The following DLGAP2 variants were observed in gnomAD, a reference collection of about 807,000 sequenced individuals.
DLGAP2 encodes the protein DLG associated protein 2.
In DLGAP2, 26 loss-of-function variants were observed where a neutral mutation model predicts 100.3. The observed-to-expected ratio is 0.26, with a 90% confidence interval of 0.19 to 0.36. DLGAP2 has a LOEUF of 0.36. Ranked by LOEUF, DLGAP2 falls within the 10% of genes least tolerant of loss-of-function variation. The pLI, the probability that DLGAP2 is intolerant of heterozygous loss-of-function variation, is 1.00. For synonymous variants in DLGAP2, 886 were observed against 630.1 expected, an observed-to-expected ratio of 1.41 and a Z score of -6.08; for missense variants, 1,858 against 1,453.2, an observed-to-expected ratio of 1.28 and a Z score of -4.53.
chr8:783,368 T>G (rs1821753190), intron 1 of DLGAP2, among the ~76,000 whole-genome samples: 1 of 152,202 alleles, frequency 6.6e-6, no homozygotes, highest in East Asian at 1.9e-4. Context: ...GGTTCTGGTC[T>G]TTTGTTTTTA....
intron 3 of DLGAP2, among the ~76,000 whole-genome samples, chr8:1,319,625 T>C (rs1201572752): frequency 6.6e-6 from 1 of 152,056 alleles, no homozygotes; most frequent in African/African-American, 2.4e-5. Context: ...TGTGATGAGA[T>C]GAGAAAAGGG....
chr8:1,317,687 T>C (rs1800792490), intron 3 of DLGAP2, among the ~76,000 whole-genome samples: 1 of 131,270 alleles, frequency 7.6e-6, no homozygotes, highest in African/African-American at 3.1e-5. Flanking sequence ...GCAGCGTCTC[T>C]CCAACAGTGG....
chr8:1,092,533 C>G (rs751313318), intron 2 of DLGAP2, among the ~76,000 whole-genome samples: 1 of 152,190 alleles, frequency 6.6e-6, no homozygotes, highest in Non-Finnish European at 1.5e-5. Flanking sequence ...GGTCTCCTGG[C>G]AGGAAGAGGG....
intron 2 of DLGAP2, among the ~76,000 whole-genome samples, chr8:1,193,767 C>G (rs546949688): frequency 6.6e-6 from 1 of 152,066 alleles, no homozygotes; most frequent in East Asian, 2.0e-4. Flanking sequence ...AGATCCCAGT[C>G]TCGGCCTCTA....
chr8:1,113,506 T>C (rs1805024154), intron 2 of DLGAP2, among the ~76,000 whole-genome samples: 1 of 152,170 alleles, frequency 6.6e-6, no homozygotes, highest in African/African-American at 2.4e-5. Context: ...AGCTTGGCTG[T>C]TTTTGGTGTG....
chr8:1,336,010 A>G (rs959535443), intron 3 of DLGAP2, among the ~76,000 whole-genome samples: 19 of 152,148 alleles, frequency 1.2e-4, no homozygotes, highest in Non-Finnish European at 2.1e-4. Flanking sequence ...AGGGGGGAAA[A>G]CATCACAATA....
At chr8:933,116 GT>G (rs1798996049) in intron 2 of DLGAP2, among the ~76,000 whole-genome samples, 1 of 152,272 alleles carries the variant, frequency 6.6e-6, no homozygotes, top group Admixed American at 6.5e-5. Flanking sequence ...ACCCTGCACA[GT>G]GGCAGCTGCT....
rs997559515 is a variant in DLGAP2, at chr8:1,272,908, C to T, written c.106+14025C>T. On this transcript the variant is annotated intron_variant, in intron 3 of 14. Coordinates refer to ENST00000637795, the MANE Select transcript of DLGAP2 (RefSeq NM_001346810.2). ...TTTTCATCAGATTTTCATGGAGATT[C>T]ATGACCACGTAAAAGGTGAAAAGAG... is the stretch of plus-strand genomic sequence containing the variant. 3.9e-5 allele frequency among the ~76,000 whole-genome samples: 6 copies of T among 152,220 alleles called. No individual in the cohort carries two copies. In the East Asian group the frequency reaches 1.2e-3, roughly 29 times the overall value.
intron 3 of DLGAP2, among the ~76,000 whole-genome samples, chr8:1,275,589 G>T (rs1799666444): frequency 6.6e-6 from 1 of 150,628 alleles, no homozygotes; most frequent in Admixed American, 6.7e-5. Flanking sequence ...AAGACAAAAA[G>T]ATAATGCAAA....
chr8:835,557 C>T (rs538800640), intron 1 of DLGAP2, among the ~76,000 whole-genome samples: 1 of 151,728 alleles, frequency 6.6e-6, no homozygotes, highest in South Asian at 2.1e-4. Flanking sequence ...GTCCCCCGTG[C>T]TCCTGTGTCC....
chr8:1,340,459 C>G lies in DLGAP2; in HGVS notation c.106+81576C>G, dbSNP rs75313244. On this transcript the variant is annotated intron_variant, in intron 3 of 14. Coordinates refer to ENST00000637795, the MANE Select transcript of DLGAP2 (RefSeq NM_001346810.2). ...TTTCAAAAGAAGACATATGTGCAGCCAGCAGTCGTTTGAAGAAAAGCTCAA... is the reference window on the plus strand; with the variant it reads ...TTTCAAAAGAAGACATATGTGCAGCGAGCAGTCGTTTGAAGAAAAGCTCAA... Among the ~76,000 whole-genome samples the G allele has an allele frequency of 7.5e-4, 114 of 152,304 alleles. 2 individuals are homozygous for G. In the East Asian group the frequency reaches 0.016, roughly 21 times the overall value.
chr8:1,259,844 A>G (rs1000889889), intron 3 of DLGAP2: 1 of 152,206 alleles, frequency 6.6e-6, no homozygotes, highest in Non-Finnish European at 1.5e-5. Flanking sequence ...TCTATGAAAC[A>G]CTTAATTCCC....
intron 3 of DLGAP2, among the ~76,000 whole-genome samples, chr8:1,265,842 AG>A (rs1447311171): frequency 6.6e-6 from 1 of 152,250 alleles, no homozygotes; most frequent in Non-Finnish European, 1.5e-5. Context: ...AAAGGTGAAT[AG>A]AAGAGTAGAC....
At chr8:924,405 T>C (rs942674763) in intron 2 of DLGAP2, among the ~76,000 whole-genome samples, 4 of 151,102 alleles carry the variant, frequency 2.6e-5, no homozygotes, top group African/African-American at 9.7e-5. Context: ...TTGGGTGGGG[T>C]GGATGGGGAG....
intron 1 of DLGAP2, among the ~76,000 whole-genome samples, chr8:810,792 T>C (rs769259587): frequency 1.3e-5 from 2 of 152,222 alleles, no homozygotes; most frequent in Admixed American, 6.5e-5. Context: ...TGCCAACACA[T>C]GCCAGAGCTC....
intron 2 of DLGAP2, among the ~76,000 whole-genome samples, chr8:1,025,908 G>C (rs1243423920): frequency 1.4e-4 from 22 of 152,182 alleles, no homozygotes. Flanking sequence ...AGAGCACGCT[G>C]CAGGGAAAGT....
chr8:1,529,201 G>A (rs935685466), intron 4 of DLGAP2, among the ~76,000 whole-genome samples: 1 of 152,236 alleles, frequency 6.6e-6, no homozygotes, highest in Non-Finnish European at 1.5e-5. Flanking sequence ...TCACAAGGTA[G>A]CAGGAAGGAG....
At chr8:975,613 A>G (rs1308062936) in intron 2 of DLGAP2, among the ~76,000 whole-genome samples, 1 of 152,220 alleles carries the variant, frequency 6.6e-6, no homozygotes, top group Non-Finnish European at 1.5e-5. Flanking sequence ...GTAATCATTC[A>G]CAGGCTAAGG....
chr8:1,540,605 G>A (rs1452250172), intron 4 of DLGAP2, among the ~76,000 whole-genome samples: 1 of 152,224 alleles, frequency 6.6e-6, no homozygotes, highest in African/African-American at 2.4e-5. Context: ...GGAGTCGGGT[G>A]TGGCTGCACA....
Sources: allele counts gnomAD v4.1 joint callset (sites outside exome capture counted in the v4.1 genomes callset), GRCh38; gene constraint gnomAD v4.1.1; transcripts MANE v1.5; gene names NCBI Gene and HGNC (gene_info 2026-07-23, HGNC 2026-07-21).